USH2A: variants seen among roughly 807,000 people sequenced by gnomAD.
USH2A encodes usherin, also known as Usher syndrome 2A (autosomal recessive, mild).
In USH2A, 443 loss-of-function variants were observed where a neutral mutation model predicts 538.9. The ratio of observed to expected loss-of-function variants is 0.82; its 90% CI spans 0.76 to 0.89. USH2A has a LOEUF of 0.89. Ranked by LOEUF, USH2A falls within the 40% of genes least tolerant of loss-of-function variation. The probability of loss-of-function intolerance (pLI) is 0.00; values close to 1 mark genes in which losing one functional copy is unlikely to be tolerated. For synonymous variants in USH2A, 2,413 were observed against 2,273.5 expected (o/e 1.06, Z -1.75); for missense variants, 6,633 against 6,324.8 (o/e 1.05, Z -1.65).
At chr1:215,737,032 G>GT (rs1412363337) in intron 60 of USH2A, among the ~76,000 whole-genome samples, 1 of 151,856 alleles carries the variant, frequency 6.6e-6, no homozygotes, top group African/African-American at 2.4e-5. Flanking sequence ...AATTGCTGTG[G>GT]TAACGAAAAC....
intron 24 of USH2A, among the ~76,000 whole-genome samples, chr1:216,085,483 G>T (rs2032099824): frequency 6.6e-6 from 1 of 151,716 alleles, no homozygotes; most frequent in Non-Finnish European, 1.5e-5. Flanking sequence ...AGGAGGAGAA[G>T]GTGCACTGAG....
At chr1:216,042,239 A>G (rs1001841330) in intron 32 of USH2A, among the ~76,000 whole-genome samples, 2 of 152,086 alleles carry the variant, frequency 1.3e-5, no homozygotes. Context: ...GTTAACATGA[A>G]TAAAGTAGTA....
intron 49 of USH2A, among the ~76,000 whole-genome samples, chr1:215,799,624 G>A (rs533794197): frequency 1.3e-5 from 2 of 152,104 alleles, no homozygotes; most frequent in African/African-American, 2.4e-5. Flanking sequence ...GTACTTCTCT[G>A]GGCTATGTCA....
intron 41 of USH2A, among the ~76,000 whole-genome samples, chr1:215,883,356 A>C (rs1664966798): frequency 6.6e-6 from 1 of 151,844 alleles, no homozygotes. Context: ...TTGGATGTTA[A>C]CTTTTTTTGG....
chr1:216,078,061 T>C (rs777615075), intron 27 of USH2A, 28 bp downstream of exon 27: 11 of 1,613,134 alleles, frequency 6.8e-6, no homozygotes, highest in Non-Finnish European at 8.5e-6. Flanking sequence ...GCTGTATGGA[T>C]TTGTGAATTC....
intron 3 of USH2A, among the ~76,000 whole-genome samples, chr1:216,410,809 CTTTAA>C (rs1558076310): frequency 6.6e-6 from 1 of 152,056 alleles, no homozygotes; most frequent in African/African-American, 2.4e-5. Context: ...TCAACAAGCC[CTTTAA>C]TTTAATTCTT....
intron 21 of USH2A, among the ~76,000 whole-genome samples, chr1:216,139,021 C>T (rs2033545368): frequency 6.6e-6 from 1 of 152,004 alleles, no homozygotes; most frequent in South Asian, 2.1e-4. Context: ...CATCTTACTG[C>T]AAAGTGTGGC....
intron 11 of USH2A, among the ~76,000 whole-genome samples, chr1:216,254,383 A>T (rs1014052664): frequency 2.6e-5 from 4 of 152,146 alleles, no homozygotes; most frequent in African/African-American, 9.6e-5. Flanking sequence ...GTCCACCAAG[A>T]AGTAGAAAGA....
intron 47 of USH2A, among the ~76,000 whole-genome samples, chr1:215,825,768 T>C (rs1571723108): frequency 6.6e-6 from 1 of 152,170 alleles, no homozygotes; most frequent in Admixed American, 6.6e-5. Context: ...TTAACAAAGA[T>C]GAAATAAATG....
intron 38 of USH2A, among the ~76,000 whole-genome samples, chr1:215,925,701 G>T (rs564913398): frequency 1.3e-5 from 2 of 151,918 alleles, no homozygotes; most frequent in Non-Finnish European, 2.9e-5. Context: ...GCTAACCTAC[G>T]TTTATTTTTA....
intron 56 of USH2A, among the ~76,000 whole-genome samples, chr1:215,765,519 T>C (rs541918314): frequency 6.6e-6 from 1 of 152,292 alleles, no homozygotes; most frequent in African/African-American, 2.4e-5. Flanking sequence ...GTTTAGAAAC[T>C]TATTTATGCC....
chr1:216,417,458 T>C lies in USH2A; in HGVS notation c.651+1056A>G, dbSNP rs544474049. ...TCTGTGTCCCCACCCAAACCTCATG[T>C]CCAATTGTAATCCCCAGCTTTGGTG... is the stretch of plus-strand genomic sequence containing the variant. On this transcript the variant is annotated intron_variant, in intron 3 of 71. Coordinates refer to ENST00000307340, the MANE Select transcript of USH2A (RefSeq NM_206933.4). Among the ~76,000 whole-genome samples the C allele has an allele frequency of 3.1e-4, 47 of 152,154 alleles. No homozygotes were observed. In the South Asian group the frequency reaches 9.6e-3, roughly 31 times the overall value.
rs1399902968 is a variant in USH2A at position 215,674,891 on chromosome 1, T to A, written c.13020A>T (p.Gly4340=). 1 of 1,614,006 alleles carries A rather than the reference T, an allele frequency of 6.2e-7. No individual in the cohort carries two copies. The highest frequency in any genetic ancestry group is 8.5e-7 in the Non-Finnish European group (1 of 1,180,004). The change falls in exon 63 of 72, where the codon GGA becomes GGT. Residue 4340 remains glycine (G), a synonymous_variant. Transcript: ENST00000307340. ...SYALQACTSG[G]CSTSKPTSIT... ...TGCTGGTGGGTTTGCTGGTGGAGCA[T>A]CCTCCACTCGTGCAGGCTTGGAGTG...
intron 3 of USH2A, among the ~76,000 whole-genome samples, chr1:216,391,122 C>T (rs372884127): frequency 2.9e-4 from 44 of 152,288 alleles, no homozygotes; most frequent in African/African-American, 8.4e-4. Flanking sequence ...CTGAAGGTAA[C>T]TATCTGTCAA....
rs551939729 is a variant in USH2A at position 216,024,597 on chromosome 1, T to C, written c.6325+21834A>G. Among the ~76,000 whole-genome samples the C allele has an allele frequency of 2.6e-5, 4 of 152,184 alleles. No homozygotes were observed. In the South Asian group the frequency reaches 6.2e-4, roughly 24 times the overall value. Reference sequence around the variant, plus strand: ...TTCAACTAAATCTAAAACATATAGTTAAATTTTTATAAAAGGAAACATGTA... The same window carrying C: ...TTCAACTAAATCTAAAACATATAGTCAAATTTTTATAAAAGGAAACATGTA... On this transcript the variant is annotated intron_variant, in intron 32 of 71. Transcript: ENST00000307340.
chr1:216,080,000 T>C (rs1312048292), intron 26 of USH2A: 1 of 152,050 alleles, frequency 6.6e-6, no homozygotes, highest in African/African-American at 2.4e-5. Context: ...ATGAAAAGCA[T>C]TTGAAAGAAA....
chr1:216,225,734 T>TA (rs1308650990), intron 14 of USH2A, among the ~76,000 whole-genome samples: 1 of 152,202 alleles, frequency 6.6e-6, no homozygotes, highest in Non-Finnish European at 1.5e-5. Flanking sequence ...TTTGAAGTTT[T>TA]ACGTCTTTTT....
intron 47 of USH2A, among the ~76,000 whole-genome samples, chr1:215,831,219 A>G (rs1195280131): frequency 6.6e-6 from 1 of 152,206 alleles, no homozygotes; most frequent in African/African-American, 2.4e-5. Context: ...CATGAAGGAA[A>G]GACTAATAGA....
intron 38 of USH2A, among the ~76,000 whole-genome samples, chr1:215,915,967 C>G (rs139183590): frequency 0.013 from 1,942 of 144,344 alleles, 48 homozygotes; most frequent in African/African-American, 0.048. Context: ...TATTCTCACT[C>G]ATAGGTGGGA....
Sources: gnomAD v4.1 joint callset for allele counts (sites outside exome capture counted in the v4.1 genomes callset) on GRCh38, gnomAD v4.1.1 for gene constraint, MANE v1.5 for transcripts, NCBI Gene and HGNC (gene_info 2026-07-23, HGNC 2026-07-21) for gene names.